RYR3: variants seen among roughly 807,000 people sequenced by gnomAD.
RYR3 encodes the protein ryanodine receptor 3.
A neutral mutation model predicts 584.3 loss-of-function variants in RYR3; 207 were observed. The observed-to-expected ratio is 0.35, with a 90% CI of 0.32 to 0.40. RYR3 has a LOEUF of 0.40. RYR3 is among the 10% of genes least tolerant of loss of function. The pLI is 1.00. For missense variants in RYR3, 5,616 were observed against 6,089.2 expected (o/e 0.92, Z 2.59); for synonymous variants, 2,416 against 2,248.5 (o/e 1.07, Z -2.11).
intron 62 of RYR3, among the ~76,000 whole-genome samples, chr15:33,771,656 T>C (rs982232004): frequency 1.3e-5 from 2 of 152,236 alleles, no homozygotes; most frequent in Admixed American, 1.3e-4. Context: ...GGGTGACCAA[T>C]ATTGGCTTCA....
intron 20 of RYR3, among the ~76,000 whole-genome samples, chr15:33,627,348 T>C (rs993072060): frequency 9.2e-5 from 14 of 152,146 alleles, no homozygotes; most frequent in African/African-American, 1.7e-4. Flanking sequence ...TGTGGCGAGA[T>C]AGGAGCAAAA....
chr15:33,845,400 C>T (rs1428039794), intron 93 of RYR3, among the ~76,000 whole-genome samples: 1 of 152,164 alleles, frequency 6.6e-6, no homozygotes, highest in Non-Finnish European at 1.5e-5. Flanking sequence ...TTACAGATGC[C>T]TGCCACCATG....
chr15:33,338,260 A>G (rs895245363), intron 1 of RYR3, among the ~76,000 whole-genome samples: 9 of 151,974 alleles, frequency 5.9e-5, no homozygotes, highest in African/African-American at 2.2e-4. Context: ...TAGGAGATTT[A>G]TTTAAGGATG....
intron 60 of RYR3, among the ~76,000 whole-genome samples, chr15:33,759,481 C>T (rs765833613): frequency 3.3e-5 from 5 of 152,098 alleles, no homozygotes; most frequent in African/African-American, 1.2e-4. Flanking sequence ...AAACACAGCA[C>T]AAGAACTTCA....
intron 20 of RYR3, among the ~76,000 whole-genome samples, chr15:33,626,375 T>C (rs761141697): frequency 2.6e-5 from 4 of 152,158 alleles, no homozygotes; most frequent in Non-Finnish European, 5.9e-5. Context: ...TTGAGAGAGA[T>C]GATTTAGGGT....
intron 38 of RYR3, among the ~76,000 whole-genome samples, chr15:33,675,842 G>A (rs887510897): frequency 6.6e-6 from 1 of 152,068 alleles, no homozygotes; most frequent in Non-Finnish European, 1.5e-5. Flanking sequence ...TAATGATTTA[G>A]CCCTTACCAG....
At chr15:33,663,985 C>T (rs2063318776) in intron 36 of RYR3, among the ~76,000 whole-genome samples, 1 of 152,160 alleles carries the variant, frequency 6.6e-6, no homozygotes, top group Non-Finnish European at 1.5e-5. Context: ...CTTTAACCCT[C>T]TCCAATGCCT....
chr15:33,738,081 G>T (rs2069680658), intron 49 of RYR3, among the ~76,000 whole-genome samples: 1 of 152,146 alleles, frequency 6.6e-6, no homozygotes, highest in Admixed American at 6.5e-5. Flanking sequence ...TACAAGCAAA[G>T]GTCCCAGAAG....
intron 1 of RYR3, among the ~76,000 whole-genome samples, chr15:33,336,448 G>A (rs182949220): frequency 0.015 from 140 of 9,646 alleles, 8 homozygotes; most frequent in African/African-American, 0.075. Context: ...GAAAGAGAGA[G>A]AGAGAGAGAG....
rs183434512 is a variant in RYR3 at position 33,361,833 on chromosome 15, G to A, written c.51+50737G>A. 7.2e-5 allele frequency among the ~76,000 whole-genome samples: 11 copies of A among 152,302 alleles called. No individual in the cohort carries two copies. The East Asian group carries it at 1.9e-3, about 27-fold the overall frequency. On this transcript the variant is annotated intron_variant, in intron 1 of 103. Transcript: ENST00000634891. ...TACTCCCAGTGACTTGAAGCTAATTGATCCGGGATGGGGCTTAGGAATCTG... is the reference window on the plus strand; with the variant it reads ...TACTCCCAGTGACTTGAAGCTAATTAATCCGGGATGGGGCTTAGGAATCTG...
intron 1 of RYR3, among the ~76,000 whole-genome samples, chr15:33,355,927 T>C (rs1973911575): frequency 6.6e-6 from 1 of 152,228 alleles, no homozygotes; most frequent in Admixed American, 6.5e-5. Context: ...TATTCAAAAC[T>C]TGTTAAGTGC....
intron 1 of RYR3, among the ~76,000 whole-genome samples, chr15:33,333,329 C>A (rs1010749441): frequency 2.6e-5 from 4 of 152,032 alleles, no homozygotes; most frequent in African/African-American, 9.7e-5. Flanking sequence ...ACTGGCAAAC[C>A]AAATCTAGCA....
chr15:33,663,716 C>A lies in RYR3; in HGVS notation c.5598C>A (p.Phe1866Leu). The A allele has an allele frequency of 6.2e-7, 1 of 1,608,052 alleles. No individual in the cohort carries two copies. Among genetic ancestry groups the A allele is most frequent in the Non-Finnish European group, 8.5e-7 (1 of 1,177,888 alleles). ...AALTARKTKEFRSPPQEQINM... is the reference protein window; with the variant it reads ...AALTARKTKELRSPPQEQINM... Reference sequence around the variant, plus strand: ...TGACTGCCCGGAAGACCAAGGAGTTCCGCTCACCCCCACAGGAGCAGGTGA... The same window carrying A: ...TGACTGCCCGGAAGACCAAGGAGTTACGCTCACCCCCACAGGAGCAGGTGA... Residue 1866 changes from phenylalanine to leucine, a missense_variant, in exon 36 of 104, where the codon TTC becomes TTA. Phe to Leu is a conservative substitution (Grantham distance 22). Coordinates refer to ENST00000634891, the MANE Select transcript of RYR3 (RefSeq NM_001036.6).
rs2063211939 is a variant in RYR3, at chr15:33,662,276, C to T, written c.4746C>T (p.Ser1582=). The change falls in exon 35 of 104, where the codon AGC becomes AGT. Residue 1582 remains serine (S), a synonymous_variant. Transcript: ENST00000634891. The part of the protein sequence containing the change: ...GNSRVAYALC[S]HVDLSQLFYA... Reference sequence around the variant, plus strand: ...GCCGCGTGGCCTACGCCCTGTGCAGCCACGTGGACCTCTCCCAGCTCTTCT... The same window carrying T: ...GCCGCGTGGCCTACGCCCTGTGCAGTCACGTGGACCTCTCCCAGCTCTTCT... The T allele has an allele frequency of 6.2e-7, 1 of 1,610,714 alleles. No homozygotes were observed. The highest frequency in any genetic ancestry group is 1.3e-5 in the African/African-American group (1 of 74,890).
At chr15:33,496,266 C>G (rs1011278764) in intron 2 of RYR3, among the ~76,000 whole-genome samples, 1 of 152,180 alleles carries the variant, frequency 6.6e-6, no homozygotes, top group Non-Finnish European at 1.5e-5. Flanking sequence ...CCACTGGGGA[C>G]CGAGTTCATC....
chr15:33,518,533 A>G (rs904358738), intron 3 of RYR3, among the ~76,000 whole-genome samples: 3 of 152,052 alleles, frequency 2.0e-5, no homozygotes, highest in Non-Finnish European at 2.9e-5. Context: ...AAAGCCTGCC[A>G]CAGTGTCTTG....
At chr15:33,695,435 GT>G (rs138578707) in intron 38 of RYR3, among the ~76,000 whole-genome samples, 15,688 of 151,978 alleles carry the variant, frequency 0.1, 1,648 homozygotes, top group African/African-American at 0.27. Flanking sequence ...TAAAATTTCC[GT>G]AAAACCAGTA....
At chr15:33,697,799 G>A (rs962688331) in intron 39 of RYR3, 83 bp from the exon 40 acceptor site, 9 of 808,836 alleles carry the variant, frequency 1.1e-5, no homozygotes, top group Admixed American at 3.7e-5. Context: ...TTGCCCTCTC[G>A]TGTGTTTGTG....
chr15:33,367,740 G>A (rs16970183), intron 1 of RYR3, among the ~76,000 whole-genome samples: 3,737 of 152,272 alleles, frequency 0.025, 160 homozygotes, highest in African/African-American at 0.086. Flanking sequence ...TTTCTGAACT[G>A]TTCGCATATC....
Sources: allele counts gnomAD v4.1 joint callset (sites outside exome capture counted in the v4.1 genomes callset), GRCh38; gene constraint gnomAD v4.1.1; transcripts MANE v1.5; gene names NCBI Gene and HGNC (gene_info 2026-07-23, HGNC 2026-07-21).